The following IL1RAPL1 variants were observed in gnomAD, a reference collection of about 807,000 sequenced individuals.
The protein encoded by IL1RAPL1 is interleukin 1 receptor accessory protein like 1.
Under a neutral mutation model 48.4 loss-of-function variants are expected in IL1RAPL1, and 3 were observed. The ratio of observed to expected loss-of-function variants is 0.06; its 90% CI spans 0.03 to 0.16. The LOEUF is 0.16. IL1RAPL1 is among the 10% of genes least tolerant of loss of function. The pLI is 1.00. For synonymous variants in IL1RAPL1, 185 were observed against 187.7 expected, an observed-to-expected ratio of 0.99 and a Z score of 0.12; for missense variants, 349 against 530.6, an observed-to-expected ratio of 0.66 and a Z score of 3.36.
intron 3 of IL1RAPL1, among the ~76,000 whole-genome samples, chrX:29,323,713 TTATATATATATATATA>T (rs1172683563): frequency 1.6e-3 from 17 of 10,948 alleles, no homozygotes; most frequent in Admixed American, 4.4e-3. Context: ...ACTGAATTTT[TTATATATATATATATA>T]TATATATATA....
At chrX:29,023,620 T>A (rs1013008345) in intron 2 of IL1RAPL1, among the ~76,000 whole-genome samples, 5 of 112,619 alleles carry the variant, frequency 4.4e-5, no homozygotes, top group African/African-American at 1.6e-4. Flanking sequence ...TTTTAGATGC[T>A]GTCACTGATG....
intron 1 of IL1RAPL1, among the ~76,000 whole-genome samples, chrX:28,666,099 G>T (rs1317762362): frequency 9.0e-6 from 1 of 111,587 alleles, no homozygotes; most frequent in Non-Finnish European, 1.9e-5. Flanking sequence ...TAGGTGGAGC[G>T]TTCTTAATGC....
At chrX:28,834,056 C>T (rs1192960909) in intron 2 of IL1RAPL1, among the ~76,000 whole-genome samples, 3 of 111,022 alleles carry the variant, frequency 2.7e-5, no homozygotes, top group Admixed American at 1.9e-4. Context: ...GTGAGTAATT[C>T]GTTAAGTTTT....
rs776840282 is a variant in IL1RAPL1 at position 29,013,210 on chromosome X, A to C, written c.82+223785A>C. Among the ~76,000 whole-genome samples the C allele has an allele frequency of 2.7e-3, 295 of 110,485 alleles. 3 individuals carry two copies. Among genetic ancestry groups the C allele is most frequent in the African/African-American group, 9.4e-3 (285 of 30,279 alleles). On this transcript the variant is annotated intron_variant, in intron 2 of 10. Transcript: ENST00000378993. Reference sequence around the variant, plus strand: ...ATTATTAAAAAGTTAAAAAAAAAAAAAACAATAGATGCTAGCAAGGTTATG... The same window carrying C: ...ATTATTAAAAAGTTAAAAAAAAAAACAACAATAGATGCTAGCAAGGTTATG...
chrX:29,813,049 A>G (rs1042455854), intron 6 of IL1RAPL1, among the ~76,000 whole-genome samples: 15 of 111,661 alleles, frequency 1.3e-4, no homozygotes, highest in African/African-American at 4.5e-4. Context: ...CTTAAAACTT[A>G]TCTTCTATTA....
intron 2 of IL1RAPL1, among the ~76,000 whole-genome samples, chrX:29,130,164 A>T (rs1468389860): frequency 8.9e-6 from 1 of 112,080 alleles, no homozygotes; most frequent in Admixed American, 9.5e-5. Context: ...AGCATAAGAG[A>T]AAAACAATAT....
At chrX:29,585,378 T>C (rs1489218292) in intron 5 of IL1RAPL1, among the ~76,000 whole-genome samples, 1 of 112,313 alleles carries the variant, frequency 8.9e-6, no homozygotes, top group Non-Finnish European at 1.9e-5. Context: ...ATTTCCTTCT[T>C]TTTAAAAGGT....
Position 29,399,202 on chromosome X carries a change from T to C in IL1RAPL1, c.597T>C (p.Asp199=). The C allele has an allele frequency of 8.3e-7, 1 of 1,199,233 alleles. No individual in the cohort carries two copies. The highest frequency in any genetic ancestry group is 1.8e-5 in the South Asian group (1 of 56,658). The part of the protein sequence containing the change: ...TWRPSIVFKR[D]TLLIREVRED... ...GGCCAAGTATTGTATTCAAAAGAGA[T>C]ACTCTGCTTATAAGAGAAGTCAGAG... The change falls in exon 5 of 11, where the codon GAT becomes GAC. Residue 199 remains aspartate (D), a synonymous_variant. Coordinates refer to ENST00000378993, the MANE Select transcript of IL1RAPL1 (RefSeq NM_014271.4).
intron 5 of IL1RAPL1, among the ~76,000 whole-genome samples, chrX:29,557,124 G>A (rs899107674): frequency 1.8e-5 from 2 of 111,544 alleles, no homozygotes; most frequent in African/African-American, 6.5e-5. Flanking sequence ...GTATGCGTGG[G>A]GCCATCTCGA....
chrX:29,780,684 ATTG>A (rs760420474), intron 6 of IL1RAPL1, among the ~76,000 whole-genome samples: 4 of 111,825 alleles, frequency 3.6e-5, no homozygotes, highest in Non-Finnish European at 5.6e-5. Flanking sequence ...CGGTTATATT[ATTG>A]TTGTTGTTAA....
chrX:29,158,726 CA>C (rs1336523459), intron 2 of IL1RAPL1, among the ~76,000 whole-genome samples: 1 of 109,926 alleles, frequency 9.1e-6, no homozygotes, highest in Non-Finnish European at 1.9e-5. Context: ...TTCATAGAAA[CA>C]AAAAAAATCC....
intron 9 of IL1RAPL1, among the ~76,000 whole-genome samples, chrX:29,952,836 T>G (rs891891353): frequency 1.8e-5 from 2 of 112,479 alleles, no homozygotes; most frequent in Non-Finnish European, 3.8e-5. Context: ...TAAAAAACTC[T>G]TCTATAGCTG....
intron 1 of IL1RAPL1, among the ~76,000 whole-genome samples, chrX:28,748,743 A>G (rs1314419050): frequency 1.8e-5 from 2 of 111,643 alleles, no homozygotes; most frequent in African/African-American, 6.5e-5. Flanking sequence ...GTTCAAATCA[A>G]TGTACTTAGC....
intron 4 of IL1RAPL1, among the ~76,000 whole-genome samples, chrX:29,397,960 A>G (rs752952420): frequency 8.9e-6 from 1 of 112,061 alleles, no homozygotes; most frequent in Non-Finnish European, 1.9e-5. Flanking sequence ...CAACATTGCC[A>G]CAATAATTTT....
intron 1 of IL1RAPL1, among the ~76,000 whole-genome samples, chrX:28,675,355 T>G (rs1934986115): frequency 9.0e-6 from 1 of 111,622 alleles, no homozygotes; most frequent in Non-Finnish European, 1.9e-5. Context: ...AGGGCATCTT[T>G]GAAGCATATT....
At chrX:29,208,732 T>TAATAAATA (rs765774653) in intron 2 of IL1RAPL1, among the ~76,000 whole-genome samples, 5 of 81,784 alleles carry the variant, frequency 6.1e-5, no homozygotes, top group African/African-American at 2.1e-4. Context: ...ATAATAATAA[T>TAATAAATA]AATAAATAAA....
intron 5 of IL1RAPL1, among the ~76,000 whole-genome samples, chrX:29,545,255 G>A (rs1370308853): frequency 9.1e-6 from 1 of 109,922 alleles, no homozygotes; most frequent in Non-Finnish European, 1.9e-5. Context: ...GACAACAAAT[G>A]TTCGTAAAAT....
At chrX:29,673,786 C>T (rs768556928) in intron 6 of IL1RAPL1, among the ~76,000 whole-genome samples, 1 of 112,042 alleles carries the variant, frequency 8.9e-6, no homozygotes, top group Admixed American at 9.5e-5. Context: ...CCAAATTTAT[C>T]ATCCCAAGGT....
chrX:29,430,685 TGTG>T (rs1414198787), intron 5 of IL1RAPL1, among the ~76,000 whole-genome samples: 4 of 110,384 alleles, frequency 3.6e-5, no homozygotes, highest in Non-Finnish European at 7.6e-5. Flanking sequence ...GATATATAAA[TGTG>T]TGTGTGTATA....
Sources: gnomAD v4.1 joint callset for allele counts (sites outside exome capture counted in the v4.1 genomes callset) on GRCh38, gnomAD v4.1.1 for gene constraint, MANE v1.5 for transcripts, NCBI Gene and HGNC (gene_info 2026-07-23, HGNC 2026-07-21) for gene names.